PPFIA2: variants seen among roughly 807,000 people sequenced by gnomAD.
PPFIA2 encodes PPFI scaffold protein A2.
Under a neutral mutation model 175.5 loss-of-function variants are expected in PPFIA2, and 46 were observed. The ratio of observed to expected loss-of-function variants is 0.26; its 90% CI spans 0.21 to 0.34. The LOEUF (loss-of-function observed/expected upper bound fraction) is 0.34. PPFIA2 is among the 10% of genes least tolerant of loss of function. The pLI is 1.00. For missense variants in PPFIA2, 1,179 were observed against 1,506.1 expected (o/e 0.78, Z 3.60); for synonymous variants, 568 against 511.4 (o/e 1.11, Z -1.49).
chr12:81,604,900 G>C (rs1330014111), intron 4 of PPFIA2, among the ~76,000 whole-genome samples: 1 of 151,650 alleles, frequency 6.6e-6, no homozygotes, highest in Non-Finnish European at 1.5e-5. Flanking sequence ...TTAAAACGGA[G>C]TAAATTAAAA....
At chr12:81,589,394 C>T (rs2058412545) in intron 4 of PPFIA2, among the ~76,000 whole-genome samples, 1 of 151,936 alleles carries the variant, frequency 6.6e-6, no homozygotes. Context: ...TCTTTCAGTG[C>T]AATTTCAGGA....
chr12:81,375,988 G>C, intron 9 of PPFIA2, 46 bp from the exon 10 acceptor site: 1 of 1,512,822 alleles, frequency 6.6e-7, no homozygotes, highest in East Asian at 2.3e-5. Flanking sequence ...TTCTCAGATT[G>C]TTTAATTATT....
chr12:81,571,919 T>A (rs2072621513), intron 4 of PPFIA2, among the ~76,000 whole-genome samples: 1 of 152,064 alleles, frequency 6.6e-6, no homozygotes, highest in Non-Finnish European at 1.5e-5. Flanking sequence ...TATACTGAAG[T>A]GGCATTCCAA....
intron 4 of PPFIA2, among the ~76,000 whole-genome samples, chr12:81,488,103 T>A (rs1246696843): frequency 1.3e-5 from 2 of 152,020 alleles, no homozygotes; most frequent in African/African-American, 4.8e-5. Flanking sequence ...TACATAACAG[T>A]TAGGGAGGTT....
At chr12:81,710,702 T>C (rs1297953327) in intron 3 of PPFIA2, among the ~76,000 whole-genome samples, 5 of 151,712 alleles carry the variant, frequency 3.3e-5, no homozygotes, top group Non-Finnish European at 7.3e-5. Flanking sequence ...AACTGAGATA[T>C]TTTCATATAA....
At chr12:81,373,659 T>C (rs1253682708) in intron 11 of PPFIA2, among the ~76,000 whole-genome samples, 1 of 152,066 alleles carries the variant, frequency 6.6e-6, no homozygotes, top group Non-Finnish European at 1.5e-5. Context: ...TTAATTGTCC[T>C]ATTTTAACCA....
intron 3 of PPFIA2, among the ~76,000 whole-genome samples, chr12:81,697,807 C>G (rs780477185): frequency 6.6e-6 from 1 of 152,106 alleles, no homozygotes; most frequent in Admixed American, 6.6e-5. Flanking sequence ...GATAGGCTCT[C>G]TCTCAATAAG....
intron 4 of PPFIA2, among the ~76,000 whole-genome samples, chr12:81,618,300 A>AT (rs765709163): frequency 4.0e-5 from 6 of 150,970 alleles, no homozygotes; most frequent in Non-Finnish European, 5.9e-5. Flanking sequence ...GAGGAAATAT[A>AT]TTTTTTTCTG....
At chr12:81,269,661 T>A (rs1819939324) in intron 28 of PPFIA2, among the ~76,000 whole-genome samples, 2 of 152,224 alleles carry the variant, frequency 1.3e-5, no homozygotes, top group Non-Finnish European at 2.9e-5. Flanking sequence ...TATTCTGACT[T>A]CTTTCATTAC....
Position 81,350,817 on chromosome 12 carries a change from A to G in PPFIA2, c.1994+2302T>C, listed in dbSNP as rs532390845. On this transcript the variant is annotated intron_variant, in intron 17 of 32. Transcript: ENST00000549396. ...AATGGTTATTGTCATAAGGTAAAAA[A>G]CTATTCTAAAGTGCAGTAGGGTGAT... Among the ~76,000 whole-genome samples the G allele has an allele frequency of 5.9e-5, 9 of 152,302 alleles. No individual in the cohort carries two copies. The South Asian group carries it at 1.7e-3, about 28-fold the overall frequency.
intron 3 of PPFIA2, among the ~76,000 whole-genome samples, chr12:81,744,186 C>T (rs1296650698): frequency 6.6e-6 from 1 of 152,046 alleles, no homozygotes; most frequent in African/African-American, 2.4e-5. Context: ...GTTAAATACC[C>T]TTTCATGTAA....
At chr12:81,408,666 A>T (rs951514449) in intron 7 of PPFIA2, among the ~76,000 whole-genome samples, 3 of 152,220 alleles carry the variant, frequency 2.0e-5, no homozygotes, top group Admixed American at 6.5e-5. Context: ...TTGAGCCACT[A>T]TGATTTTTAA....
Position 81,658,496 on chromosome 12 carries a change from CATCT to C in PPFIA2, c.303+18291_303+18294del, listed in dbSNP as rs367716181. On this transcript the variant is annotated intron_variant, in intron 4 of 32. Coordinates refer to ENST00000549396, the MANE Select transcript of PPFIA2 (RefSeq NM_003625.5). ...TTATATGTATAAAGCTGTATTCATCCATCTGTTTTTTCCAGAAAAACATCTATCT... is the reference window on the plus strand; with the variant it reads ...TTATATGTATAAAGCTGTATTCATCCGTTTTTTCCAGAAAAACATCTATCT... 6.8e-3 allele frequency among the ~76,000 whole-genome samples: 1,028 copies of C among 151,800 alleles called. 9 individuals are homozygous for C. Among genetic ancestry groups the C allele is most frequent in the Middle Eastern group, 0.035 (10 of 288 alleles).
intron 24 of PPFIA2, 107 bp from the exon 25 acceptor site, chr12:81,284,410 G>A (rs1230686254): frequency 5.0e-6 from 4 of 799,524 alleles, no homozygotes; most frequent in Non-Finnish European, 8.6e-6. Context: ...CAATACCACA[G>A]TGCCCTTGCC....
chr12:81,605,889 C>T (rs941293734), intron 4 of PPFIA2, among the ~76,000 whole-genome samples: 2 of 151,732 alleles, frequency 1.3e-5, no homozygotes, highest in Non-Finnish European at 2.9e-5. Context: ...GGTACATGTG[C>T]AGATTTGTTA....
chr12:81,716,538 C>T (rs901371842), intron 3 of PPFIA2, among the ~76,000 whole-genome samples: 4 of 149,752 alleles, frequency 2.7e-5, no homozygotes, highest in African/African-American at 7.3e-5. Context: ...TAGTAAAATA[C>T]TTGGAAAGTA....
intron 24 of PPFIA2, among the ~76,000 whole-genome samples, chr12:81,289,444 T>C (rs540189850): frequency 2.1e-4 from 32 of 151,968 alleles, no homozygotes; most frequent in African/African-American, 7.2e-4. Context: ...TAAATAAATG[T>C]TACATAAAGC....
chr12:81,670,839 A>C (rs962458779), intron 4 of PPFIA2, among the ~76,000 whole-genome samples: 1 of 151,870 alleles, frequency 6.6e-6, no homozygotes, highest in Non-Finnish European at 1.5e-5. Flanking sequence ...AATGATTCTC[A>C]CATTTCTGGT....
intron 3 of PPFIA2, among the ~76,000 whole-genome samples, chr12:81,710,747 T>A (rs1240101287): frequency 1.4e-5 from 2 of 147,554 alleles, no homozygotes; most frequent in Non-Finnish European, 3.0e-5. Flanking sequence ...AACAAAGTTT[T>A]GACTGTGTTT....
Sources: allele counts gnomAD v4.1 joint callset (sites outside exome capture counted in the v4.1 genomes callset), GRCh38; gene constraint gnomAD v4.1.1; transcripts MANE v1.5; gene names NCBI Gene and HGNC (gene_info 2026-07-23, HGNC 2026-07-21).